The following MPP7 variants were observed in gnomAD, a reference collection of about 807,000 sequenced individuals.
The protein encoded by MPP7 is MAGUK p55 subfamily member 7.
A neutral mutation model predicts 76.5 loss-of-function variants in MPP7; 60 were observed. The observed-to-expected ratio is 0.78, with a 90% CI of 0.64 to 0.97. The LOEUF (loss-of-function observed/expected upper bound fraction) is 0.97, where lower values mean the gene tolerates loss of function less well. MPP7 is among the 50% of genes least tolerant of loss of function. MPP7 has a pLI of 0.00. For missense variants in MPP7, 641 were observed against 694.0 expected (o/e 0.92, Z 0.86); for synonymous variants, 237 against 244.5 (o/e 0.97, Z 0.29).
At chr10:28,146,094 C>T (rs1284753437) in intron 5 of MPP7, among the ~76,000 whole-genome samples, 5 of 152,126 alleles carry the variant, frequency 3.3e-5, no homozygotes, top group Non-Finnish European at 7.3e-5. Context: ...CCTCACCCTC[C>T]CCTGGGTGAT....
chr10:28,298,320 A>G (rs1049039800), intron 1 of MPP7, among the ~76,000 whole-genome samples: 1 of 152,210 alleles, frequency 6.6e-6, no homozygotes, highest in Admixed American at 6.5e-5. Flanking sequence ...TGAAAGTTGA[A>G]ATGACTCCTA....
intron 2 of MPP7, among the ~76,000 whole-genome samples, chr10:28,232,055 A>G (rs1048212783): frequency 6.6e-6 from 1 of 152,170 alleles, no homozygotes; most frequent in African/African-American, 2.4e-5. Flanking sequence ...AGTTGGTTTA[A>G]CATTCAAAAA....
chr10:28,117,102 A>G (rs1360998316), intron 11 of MPP7, among the ~76,000 whole-genome samples: 1 of 152,086 alleles, frequency 6.6e-6, no homozygotes, highest in African/African-American at 2.4e-5. Context: ...CTTTTCCCCC[A>G]TGCAAACTCA....
chr10:28,274,747 G>A (rs969073703), intron 1 of MPP7, among the ~76,000 whole-genome samples: 106 of 152,092 alleles, frequency 7.0e-4, no homozygotes, highest in African/African-American at 2.5e-3. Flanking sequence ...GCTACAGAAA[G>A]GTTAAAAAAT....
intron 11 of MPP7, among the ~76,000 whole-genome samples, chr10:28,098,379 A>G (rs1216605180): frequency 6.6e-6 from 1 of 151,958 alleles, no homozygotes; most frequent in East Asian, 1.9e-4. Context: ...TTAGTAATAT[A>G]AAGACTGTTA....
intron 14 of MPP7, 72 bp from the exon 15 acceptor site, chr10:28,058,675 A>T: frequency 1.2e-6 from 1 of 802,446 alleles, no homozygotes; most frequent in South Asian, 2.1e-5. Flanking sequence ...TAAAATTCAT[A>T]GGTAAAAGAC....
At chr10:28,097,993 T>C (rs1039851568) in intron 11 of MPP7, among the ~76,000 whole-genome samples, 1 of 152,212 alleles carries the variant, frequency 6.6e-6, no homozygotes, top group African/African-American at 2.4e-5. Flanking sequence ...TTGGTCACTT[T>C]CAAAGCTATT....
At chr10:28,184,959 AT>A (rs1319464689) in intron 3 of MPP7, among the ~76,000 whole-genome samples, 1 of 147,168 alleles carries the variant, frequency 6.8e-6, no homozygotes, top group East Asian at 1.9e-4. Flanking sequence ...AATATAATAT[AT>A]TTATCTTAAT....
intron 15 of MPP7, among the ~76,000 whole-genome samples, chr10:28,058,237 C>A (rs1228297553): frequency 6.6e-6 from 1 of 152,150 alleles, no homozygotes; most frequent in East Asian, 1.9e-4. Context: ...CTTTACTTGA[C>A]AAAAACTGAA....
intron 2 of MPP7, among the ~76,000 whole-genome samples, chr10:28,310,245 G>A (rs1274092885): frequency 6.6e-6 from 1 of 152,050 alleles, no homozygotes; most frequent in Non-Finnish European, 1.5e-5. Context: ...CAGGTGAGCA[G>A]CCCACATCGG....
intron 1 of MPP7, among the ~76,000 whole-genome samples, chr10:28,258,825 AC>A: frequency 6.6e-6 from 1 of 152,348 alleles, no homozygotes; most frequent in Middle Eastern, 3.4e-3. Context: ...CAGAGATATC[AC>A]AGTGTATCTC....
chr10:28,077,080 TACA>T (rs1423105567), intron 12 of MPP7, among the ~76,000 whole-genome samples: 1 of 55,816 alleles, frequency 1.8e-5, no homozygotes, highest in Admixed American at 2.2e-4. Context: ...AATCTCTAAC[TACA>T]AAAAAAAAAA....
chr10:28,272,968 A>G (rs117058368), intron 1 of MPP7, among the ~76,000 whole-genome samples: 3,021 of 152,242 alleles, frequency 0.02, 34 homozygotes, highest in Non-Finnish European at 0.03. Flanking sequence ...GCCAGGCTGT[A>G]GTGTAGTGGC....
intron 1 of MPP7, among the ~76,000 whole-genome samples, chr10:28,282,990 G>T (rs1840714971): frequency 6.6e-6 from 1 of 152,000 alleles, no homozygotes; most frequent in Non-Finnish European, 1.5e-5. Flanking sequence ...ACAGTGGAAA[G>T]TAACTTTTAA....
chr10:28,123,980 A>C, intron 8 of MPP7, 51 bp downstream of exon 8: 1 of 1,222,034 alleles, frequency 8.2e-7, no homozygotes, highest in Non-Finnish European at 1.2e-6. Context: ...TCTGAAATAC[A>C]GTGATTCGAT....
At chr10:28,146,546 C>T (rs561381903) in intron 5 of MPP7, among the ~76,000 whole-genome samples, 3 of 151,544 alleles carry the variant, frequency 2.0e-5, no homozygotes, top group South Asian at 4.2e-4. Flanking sequence ...GGACTACAGG[C>T]GCCCGCCACA....
chr10:28,247,316 C>T (rs1456526557), intron 1 of MPP7, among the ~76,000 whole-genome samples: 1 of 152,094 alleles, frequency 6.6e-6, no homozygotes, highest in Non-Finnish European at 1.5e-5. Context: ...TCAAAAAATA[C>T]ACTTTCTAAA....
chr10:28,052,178 A>G lies in MPP7; in HGVS notation c.*1887T>C, dbSNP rs1851385657. 1 of 152,184 alleles carries G rather than the reference A, an allele frequency of 6.6e-6. No homozygotes were observed. The highest frequency in any genetic ancestry group is 2.1e-4 in the South Asian group (1 of 4,834). The allele number at this position is 152,184 out of a possible 1,614,324, so 9.4% of individuals were successfully genotyped here. A position where few individuals can be genotyped will look rare whatever the true frequency, so the allele number is the denominator to read the frequency against. Reference sequence around the variant, plus strand: ...AGAATTTGGACTGCCTAAATTACTCAGGTGATTGCCTGAATTATTACATAT... The same window carrying G: ...AGAATTTGGACTGCCTAAATTACTCGGGTGATTGCCTGAATTATTACATAT... On this transcript the variant is annotated 3_prime_UTR_variant, in exon 17 of 17. Coordinates refer to ENST00000683449, the MANE Select transcript of MPP7 (RefSeq NM_001318170.2).
At position 28,313,853 on chromosome 10, in the gene MPP7, A is replaced by ATTTT. The variant is rs1192149562; in HGVS notation, c.-132+16072_-132+16075dup. Among the ~76,000 whole-genome samples the ATTTT allele has an allele frequency of 2.8e-3, 92 of 32,662 alleles. 12 individuals carry two copies. Among genetic ancestry groups the ATTTT allele is most frequent in the East Asian group, 4.8e-3 (8 of 1,662 alleles). 21.4% of individuals were successfully genotyped at this position (32,662 alleles called of 152,430 possible). The stretch of plus-strand genomic sequence containing the variant: ...AGGTGTGTGCCACTATACCTGGCTA[A>ATTTT]TTTTTTTTTTTTTATTTTTTTTATT... On this transcript the variant is annotated intron_variant, in intron 2 of 11. Transcript: ENST00000441595.
Sources: allele counts gnomAD v4.1 joint callset (sites outside exome capture counted in the v4.1 genomes callset), GRCh38; gene constraint gnomAD v4.1.1; transcripts MANE v1.5; gene names NCBI Gene and HGNC (gene_info 2026-07-23, HGNC 2026-07-21).